OXR1: variants seen among roughly 807,000 people sequenced by gnomAD.
OXR1 encodes the protein oxidation resistance 1, also known as oxidation resistance protein 1.
A neutral mutation model predicts 104.6 loss-of-function variants in OXR1; 41 were observed. The ratio of observed to expected loss-of-function variants is 0.39; its 90% confidence interval spans 0.31 to 0.51. The LOEUF is 0.51. Among genes scored for constraint, OXR1 ranks in the 20% least tolerant of loss-of-function variants. The pLI is 0.77. For synonymous variants in OXR1, 348 were observed against 348.4 expected, an observed-to-expected ratio of 1.00 and a Z score of 0.01; for missense variants, 955 against 1,031.9, an observed-to-expected ratio of 0.93 and a Z score of 1.02.
intron 2 of OXR1, among the ~76,000 whole-genome samples, chr8:106,426,163 A>G (rs1014187768): frequency 6.6e-6 from 1 of 152,116 alleles, no homozygotes; most frequent in African/African-American, 2.4e-5. Flanking sequence ...TGGGATAATA[A>G]TATTTCCCCC....
chr8:106,586,251 A>G (rs1171731676), intron 3 of OXR1, among the ~76,000 whole-genome samples: 3 of 152,168 alleles, frequency 2.0e-5, no homozygotes, highest in Non-Finnish European at 4.4e-5. Flanking sequence ...TTCTGTATAT[A>G]CTTTAAAGAT....
chr8:106,378,342 G>A (rs140037603), intron 2 of OXR1, among the ~76,000 whole-genome samples: 292 of 152,254 alleles, frequency 1.9e-3, no homozygotes, highest in African/African-American at 6.8e-3. Flanking sequence ...GGCCACATGG[G>A]AATGAGAATG....
At position 106,518,955 on chromosome 8, in the gene OXR1, G is replaced by T; in HGVS notation, c.36G>T (p.Lys12Asn). ...SVSNLSWLKK[K>N]SQSVDINAPG... ...TCTTTACTTGTAGGCTGAAGAAAAA[G>T]TCCCAGTCGGTGGATATTAATGCTC... Residue 12 changes from lysine (K) to asparagine (N), a missense_variant, in exon 3 of 17, where the codon AAG (lysine) becomes AAT (asparagine). Coordinates refer to ENST00000517566, the MANE Select transcript of OXR1 (RefSeq NM_001198533.2). 3.9e-6 allele frequency: 6 copies of T among 1,550,530 alleles called. No homozygotes were observed. The highest frequency in any genetic ancestry group is 5.2e-6 in the Non-Finnish European group (6 of 1,146,268).
intron 2 of OXR1, among the ~76,000 whole-genome samples, chr8:106,508,802 G>C (rs1307481438): frequency 6.6e-6 from 1 of 151,952 alleles, no homozygotes; most frequent in Admixed American, 6.6e-5. Context: ...TCTTCTTTTG[G>C]GGAAAGTTAA....
intron 1 of OXR1, 82 bp from the exon 2 acceptor site, chr8:106,359,394 C>G: frequency 5.8e-6 from 3 of 516,432 alleles, no homozygotes; most frequent in Non-Finnish European, 1.0e-5. Context: ...CATGACAAAA[C>G]CATTGATTTG....
chr8:106,494,698 A>C (rs1054133338), intron 2 of OXR1, among the ~76,000 whole-genome samples: 2 of 152,196 alleles, frequency 1.3e-5, no homozygotes, highest in Non-Finnish European at 2.9e-5. Flanking sequence ...AGTGATCAAA[A>C]TGTAAAGTCC....
intron 2 of OXR1, among the ~76,000 whole-genome samples, chr8:106,506,955 G>T (rs1812205272): frequency 6.6e-6 from 1 of 151,946 alleles, no homozygotes; most frequent in African/African-American, 2.4e-5. Context: ...TGGGCACAGT[G>T]GTGTGCCCCT....
At chr8:106,699,794 A>T (rs1326196521) in intron 7 of OXR1, among the ~76,000 whole-genome samples, 1 of 152,162 alleles carries the variant, frequency 6.6e-6, no homozygotes, top group Non-Finnish European at 1.5e-5. Context: ...GTGCTTTCTC[A>T]TGGAAGTCGT....
chr8:106,326,802 G>A (rs1814489931), intron 1 of OXR1, among the ~76,000 whole-genome samples: 1 of 152,210 alleles, frequency 6.6e-6, no homozygotes, highest in African/African-American at 2.4e-5. Context: ...AGGGAATGGA[G>A]TCAGAGAGGT....
At chr8:106,597,612 C>A (rs1457390485) in intron 3 of OXR1, among the ~76,000 whole-genome samples, 6 of 152,184 alleles carry the variant, frequency 3.9e-5, no homozygotes, top group African/African-American at 1.4e-4. Flanking sequence ...AAGCTTTTAG[C>A]TTGCAAAGTT....
At chr8:106,743,121 G>C (rs1027413470) in intron 15 of OXR1, among the ~76,000 whole-genome samples, 1 of 151,800 alleles carries the variant, frequency 6.6e-6, no homozygotes, top group African/African-American at 2.4e-5. Flanking sequence ...TTGAAAAGTG[G>C]GCAAAGACAC....
At chr8:106,574,464 T>A (rs971120812) in intron 3 of OXR1, among the ~76,000 whole-genome samples, 1 of 152,228 alleles carries the variant, frequency 6.6e-6, no homozygotes, top group African/African-American at 2.4e-5. Context: ...CCACATCACT[T>A]CTGTTTATCT....
intron 3 of OXR1, among the ~76,000 whole-genome samples, chr8:106,678,651 C>T (rs1424668009): frequency 6.6e-6 from 1 of 151,904 alleles, no homozygotes; most frequent in East Asian, 1.9e-4. Context: ...TAATAATTGG[C>T]ATTCAATCTG....
intron 2 of OXR1, among the ~76,000 whole-genome samples, chr8:106,381,361 T>C (rs1368500691): frequency 6.6e-6 from 1 of 151,864 alleles, no homozygotes; most frequent in Non-Finnish European, 1.5e-5. Flanking sequence ...GGTGAGGAGA[T>C]GGAATTAGGG....
chr8:106,327,191 T>C (rs150714086), intron 1 of OXR1, among the ~76,000 whole-genome samples: 148 of 152,310 alleles, frequency 9.7e-4, no homozygotes, highest in African/African-American at 3.3e-3. Context: ...ATATTTTTAT[T>C]TGACAGAAAG....
intron 6 of OXR1, among the ~76,000 whole-genome samples, chr8:106,684,917 C>A (rs2131248220): frequency 6.6e-6 from 1 of 152,124 alleles, no homozygotes; most frequent in South Asian, 2.1e-4. Flanking sequence ...TTAAAATCTT[C>A]TGAAAGGAAT....
intron 2 of OXR1, among the ~76,000 whole-genome samples, chr8:106,446,628 A>C (rs1322318669): frequency 1.3e-5 from 2 of 151,840 alleles, no homozygotes; most frequent in South Asian, 2.1e-4. Flanking sequence ...AAAAAAAAAA[A>C]AACTAAAAAA....
At chr8:106,696,067 T>C (rs1353000364) in intron 7 of OXR1, among the ~76,000 whole-genome samples, 2 of 152,186 alleles carry the variant, frequency 1.3e-5, no homozygotes, top group Non-Finnish European at 2.9e-5. Flanking sequence ...ATTACAGTAT[T>C]ACCAGATTAG....
chr8:106,661,288 T>C (rs1825740509), intron 3 of OXR1, among the ~76,000 whole-genome samples: 1 of 152,232 alleles, frequency 6.6e-6, no homozygotes, highest in African/African-American at 2.4e-5. Flanking sequence ...TTTACTCCTC[T>C]CCAAGGTGGC....
Sources: allele counts gnomAD v4.1 joint callset (sites outside exome capture counted in the v4.1 genomes callset), GRCh38; gene constraint gnomAD v4.1.1; transcripts MANE v1.5; gene names NCBI Gene and HGNC (gene_info 2026-07-23, HGNC 2026-07-21).